Variants in NOX3 observed in about 807,000 individuals in gnomAD.
NOX3 encodes the protein NADPH oxidase 3, also known as NADPH oxidase catalytic subunit-like 3.
A neutral mutation model predicts 76.7 loss-of-function variants in NOX3; 74 were observed. That is an observed-to-expected ratio of 0.96 (90% CI 0.80 to 1.17). The LOEUF (loss-of-function observed/expected upper bound fraction) is 1.17. Ranked by LOEUF, NOX3 falls within the 50% of genes most tolerant of loss-of-function variation. The pLI is 0.00. For missense variants in NOX3, 695 were observed against 703.3 expected (o/e 0.99, Z 0.13); for synonymous variants, 263 against 261.1 (o/e 1.01, Z -0.07).
intron 4 of NOX3, among the ~76,000 whole-genome samples, chr6:155,451,183 T>C (rs1777134926): frequency 6.6e-6 from 1 of 152,120 alleles, no homozygotes; most frequent in African/African-American, 2.4e-5. Context: ...TTCACCATGT[T>C]GGTCAGGCTG....
chr6:155,451,485 C>T (rs118166313), intron 4 of NOX3, among the ~76,000 whole-genome samples: 2,074 of 152,234 alleles, frequency 0.014, 20 homozygotes, highest in Non-Finnish European at 0.02. Flanking sequence ...ATCTTTAACA[C>T]GGGGGATATT....
At chr6:155,426,879 G>C (rs1440984657) in intron 9 of NOX3, among the ~76,000 whole-genome samples, 2 of 152,090 alleles carry the variant, frequency 1.3e-5, no homozygotes, top group Non-Finnish European at 2.9e-5. Flanking sequence ...GAACAGATAA[G>C]TGTATACACA....
At chr6:155,417,573 A>G (rs1776637047) in intron 10 of NOX3, among the ~76,000 whole-genome samples, 1 of 152,172 alleles carries the variant, frequency 6.6e-6, no homozygotes, top group Non-Finnish European at 1.5e-5. Context: ...TTTCTTTAGG[A>G]GAAGCATGAA....
chr6:155,407,495 A>T (rs1776480058), intron 11 of NOX3, among the ~76,000 whole-genome samples: 1 of 152,248 alleles, frequency 6.6e-6, no homozygotes, highest in Admixed American at 6.5e-5. Context: ...GTAGATGTGC[A>T]ATAACATTAA....
At chr6:155,414,088 T>A (rs416740) in intron 10 of NOX3, among the ~76,000 whole-genome samples, 1 of 152,164 alleles carries the variant, frequency 6.6e-6, no homozygotes, top group Non-Finnish European at 1.5e-5. Context: ...TGTTTTTCCC[T>A]CCGTAATTGA....
intron 10 of NOX3, among the ~76,000 whole-genome samples, chr6:155,417,909 A>G (rs1305641190): frequency 6.6e-6 from 1 of 152,182 alleles, no homozygotes; most frequent in Non-Finnish European, 1.5e-5. Flanking sequence ...TGCATGGGAC[A>G]CACTATAAAT....
chr6:155,398,495 G>A (rs935308679), intron 12 of NOX3, among the ~76,000 whole-genome samples: 5 of 152,200 alleles, frequency 3.3e-5, no homozygotes, highest in Non-Finnish European at 5.9e-5. Flanking sequence ...CACATCCACA[G>A]TAGAAATTGA....
At chr6:155,395,870 C>A (rs1211836630) in intron 13 of NOX3, among the ~76,000 whole-genome samples, 1 of 151,140 alleles carries the variant, frequency 6.6e-6, no homozygotes, top group African/African-American at 2.4e-5. Flanking sequence ...GACCACAGAC[C>A]AAAATGTGGT....
At chr6:155,449,341 G>C (rs1037814672) in intron 4 of NOX3, among the ~76,000 whole-genome samples, 31 of 152,280 alleles carry the variant, frequency 2.0e-4, no homozygotes, top group Middle Eastern at 6.8e-3. Flanking sequence ...GACACCCCTT[G>C]ATGGAAGCTG....
intron 10 of NOX3, among the ~76,000 whole-genome samples, chr6:155,419,220 G>C (rs1350624715): frequency 6.6e-6 from 1 of 152,188 alleles, no homozygotes; most frequent in East Asian, 1.9e-4. Flanking sequence ...TGCTTTAAAA[G>C]AGAGAAACTT....
At chr6:155,453,377 T>C (rs1442166601) in intron 4 of NOX3, 27 bp downstream of exon 4, 3 of 1,502,924 alleles carry the variant, frequency 2.0e-6, no homozygotes, top group Non-Finnish European at 1.9e-6. Flanking sequence ...TATTGTAAAA[T>C]CCATTGAGCA....
intron 10 of NOX3, among the ~76,000 whole-genome samples, chr6:155,414,133 G>A (rs1240809508): frequency 6.6e-6 from 1 of 152,164 alleles, no homozygotes; most frequent in Non-Finnish European, 1.5e-5. Flanking sequence ...TGGTGTAAGA[G>A]GCTATGGAGG....
chr6:155,417,794 T>G (rs2294677), intron 10 of NOX3, among the ~76,000 whole-genome samples: 3,758 of 134,366 alleles, frequency 0.028, 92 homozygotes, highest in East Asian at 0.083. Context: ...AGAGTATGGA[T>G]TTTTTGTCTT....
At chr6:155,418,860 A>C (rs1776654000) in intron 10 of NOX3, among the ~76,000 whole-genome samples, 1 of 152,242 alleles carries the variant, frequency 6.6e-6, no homozygotes. Flanking sequence ...TGTGTGTAAA[A>C]ATGTATGCCT....
rs570503952 is a variant in NOX3, at chr6:155,453,462, T to A, written c.282A>T (p.Gln94His). 5.0e-6 allele frequency: 8 copies of A among 1,613,762 alleles called. No homozygotes were observed. The highest frequency in any genetic ancestry group is 6.8e-6 in the Non-Finnish European group (8 of 1,179,772). ...TGTGAAATCTGAGGTTTTTGTCTAA[T>A]TGCCTCCTCCACGGTCCTCTGCAGC... is the stretch of plus-strand genomic sequence containing the variant. ...SICCRGPWRR[Q>H]LDKNLRFHKL... Residue 94 changes from glutamine (Q) to histidine (H), a missense_variant, in exon 4 of 14, where the codon CAA becomes CAT. Gln to His is a conservative substitution (Grantham distance 24). Transcript: ENST00000159060.
intron 9 of NOX3, 91 bp from the exon 10 acceptor site, chr6:155,422,947 C>A: frequency 1.5e-6 from 2 of 1,364,450 alleles, no homozygotes; most frequent in Non-Finnish European, 2.1e-6. Flanking sequence ...TTTTACAGGA[C>A]GTGTTTGCCA....
intron 5 of NOX3, among the ~76,000 whole-genome samples, chr6:155,442,272 T>A (rs543922422): frequency 4.0e-5 from 6 of 151,676 alleles, no homozygotes; most frequent in Non-Finnish European, 5.9e-5. Context: ...TCAAAAAAAA[T>A]AAATAAATAA....
chr6:155,429,144 G>T (rs1776799276), intron 8 of NOX3, 97 bp from the exon 9 acceptor site: 5 of 1,232,342 alleles, frequency 4.1e-6, no homozygotes, highest in Admixed American at 5.2e-5. Context: ...AGATCAGCTT[G>T]TTTCAGGTGT....
At position 155,396,791 on chromosome 6, in the gene NOX3, A is replaced by G. The variant is rs371560066; in HGVS notation, c.*27+18T>C. The G allele has an allele frequency of 3.0e-5, 47 of 1,580,786 alleles. No homozygotes were observed. The African/African-American group carries it at 4.6e-4, about 16-fold the overall frequency. Reference sequence around the variant, plus strand: ...AAGAGTTTCCCAATCCCTGACCTGTATGATTGCAGCCACTTACACAATGCC... The same window carrying G: ...AAGAGTTTCCCAATCCCTGACCTGTGTGATTGCAGCCACTTACACAATGCC... On this transcript the variant is annotated intron_variant, in intron 13 of 13. Transcript: ENST00000159060.
Sources: gnomAD v4.1 joint callset for allele counts (sites outside exome capture counted in the v4.1 genomes callset) on GRCh38, gnomAD v4.1.1 for gene constraint, MANE v1.5 for transcripts, NCBI Gene and HGNC (gene_info 2026-07-23, HGNC 2026-07-21) for gene names.